PACRG: variants seen among roughly 807,000 people sequenced by gnomAD.
PACRG encodes the protein parkin coregulated gene protein.
A neutral mutation model predicts 29.7 loss-of-function variants in PACRG; 29 were observed. The observed-to-expected ratio is 0.98, with a 90% confidence interval of 0.73 to 1.33. PACRG has a LOEUF of 1.33. Among genes scored for constraint, PACRG ranks in the 40% most tolerant of loss-of-function variants. PACRG has a pLI of 0.00. For synonymous variants in PACRG, 116 were observed against 118.7 expected (o/e 0.98, Z 0.15); for missense variants, 279 against 316.2 (o/e 0.88, Z 0.89).
chr6:163,296,915 G>GA (rs1727570064), intron 4 of PACRG, among the ~76,000 whole-genome samples: 1 of 151,976 alleles, frequency 6.6e-6, no homozygotes, highest in South Asian at 2.1e-4. Flanking sequence ...AAAGGGACAT[G>GA]AAAAAAGTAA....
chr6:162,727,878 T>G, upstream of PACRG: 1 of 599,996 alleles, frequency 1.7e-6, no homozygotes, highest in South Asian at 2.0e-5. Flanking sequence ...TCACGCCTCC[T>G]GCCCCCAGCC....
At chr6:163,289,499 A>T (rs1784509783) in intron 4 of PACRG, among the ~76,000 whole-genome samples, 1 of 152,104 alleles carries the variant, frequency 6.6e-6, no homozygotes, top group African/African-American at 2.4e-5. Flanking sequence ...TTAATTTTTT[A>T]AAATACTTAA....
At chr6:163,018,783 T>C (rs1158916313) in intron 2 of PACRG, among the ~76,000 whole-genome samples, 1 of 117,254 alleles carries the variant, frequency 8.5e-6, no homozygotes, top group Non-Finnish European at 1.7e-5. Context: ...GTTTAATATG[T>C]CAGCACTATT....
chr6:162,762,333 T>C (rs754122165), intron 1 of PACRG, among the ~76,000 whole-genome samples: 1 of 152,168 alleles, frequency 6.6e-6, no homozygotes, highest in African/African-American at 2.4e-5. Flanking sequence ...CAAAGAGTTA[T>C]GTAAGGCATG....
chr6:163,194,104 G>C (rs540595257), intron 4 of PACRG, among the ~76,000 whole-genome samples: 22 of 152,002 alleles, frequency 1.4e-4, no homozygotes, highest in Non-Finnish European at 3.1e-4. Flanking sequence ...TGTTGGCCAG[G>C]CTGGTCTCAA....
At chr6:162,846,933 T>A (rs1469883951) in intron 2 of PACRG, among the ~76,000 whole-genome samples, 3 of 148,242 alleles carry the variant, frequency 2.0e-5, no homozygotes, top group Non-Finnish European at 1.5e-5. Flanking sequence ...CACATTGCTG[T>A]GCTCCCCACA....
intron 2 of PACRG, among the ~76,000 whole-genome samples, chr6:163,060,688 C>A (rs946994916): frequency 6.6e-6 from 1 of 152,086 alleles, no homozygotes; most frequent in Admixed American, 6.6e-5. Context: ...AGTCTGTGAG[C>A]AGACTGTAGA....
chr6:162,881,285 T>C (rs552296316), intron 2 of PACRG, among the ~76,000 whole-genome samples: 2 of 152,314 alleles, frequency 1.3e-5, no homozygotes, highest in East Asian at 3.9e-4. Context: ...TGCTCCTTAA[T>C]GAACCTGTTT....
rs60564519 is a variant in PACRG, at chr6:163,120,879, A to G, written c.613+31471A>G. On this transcript the variant is annotated intron_variant, in intron 4 of 4. Coordinates refer to ENST00000366888, the MANE Select transcript of PACRG (RefSeq NM_001080379.2). ...CATGCCTGGCCTCATTCCTTTTTCA[A>G]GGGAACAATGCCATACCTCACTAGA... 4.9e-3 allele frequency among the ~76,000 whole-genome samples: 752 copies of G among 152,274 alleles called. 4 individuals carry two copies. The highest frequency in any genetic ancestry group is 0.017 in the African/African-American group (722 of 41,554).
chr6:163,132,625 T>C (rs1816784440), intron 4 of PACRG, among the ~76,000 whole-genome samples: 2 of 152,180 alleles, frequency 1.3e-5, no homozygotes, highest in African/African-American at 4.8e-5. Context: ...AAGCATGTGA[T>C]CCACAGAGCC....
intron 4 of PACRG, among the ~76,000 whole-genome samples, chr6:163,199,699 T>G (rs1057135788): frequency 6.6e-6 from 1 of 152,174 alleles, no homozygotes; most frequent in Non-Finnish European, 1.5e-5. Flanking sequence ...GAAACTCCAC[T>G]GAGAAGGATG....
At chr6:162,934,766 C>T (rs1410209337) in intron 2 of PACRG, among the ~76,000 whole-genome samples, 3 of 152,068 alleles carry the variant, frequency 2.0e-5, no homozygotes, top group African/African-American at 7.2e-5. Context: ...ATATGAAACT[C>T]TGCCAATGAG....
At chr6:163,079,564 G>A (rs897837909) in intron 3 of PACRG, among the ~76,000 whole-genome samples, 1 of 152,126 alleles carries the variant, frequency 6.6e-6, no homozygotes, top group Non-Finnish European at 1.5e-5. Flanking sequence ...CATGAGGTTA[G>A]CTTGGCTGGC....
intron 2 of PACRG, among the ~76,000 whole-genome samples, chr6:162,867,506 C>G (rs1033545130): frequency 1.3e-5 from 2 of 152,090 alleles, no homozygotes; most frequent in African/African-American, 4.8e-5. Context: ...CTTGAAGCCG[C>G]TTCAGGTTCC....
chr6:162,969,454 G>A (rs184845567), intron 2 of PACRG, among the ~76,000 whole-genome samples: 22 of 151,412 alleles, frequency 1.5e-4, no homozygotes, highest in Admixed American at 8.6e-4. Flanking sequence ...CCCCCTTGTC[G>A]CTCCACTGTC....
chr6:163,003,492 TAGACAG>T, intron 2 of PACRG, among the ~76,000 whole-genome samples: 1 of 152,200 alleles, frequency 6.6e-6, no homozygotes. Flanking sequence ...TGGGAAAGTA[TAGACAG>T]CAGGAGATAA....
chr6:162,935,918 G>A (rs547547605), intron 2 of PACRG, among the ~76,000 whole-genome samples: 2 of 152,232 alleles, frequency 1.3e-5, no homozygotes, highest in East Asian at 1.9e-4. Flanking sequence ...CAACATTACT[G>A]TTCTTCAAAA....
chr6:162,970,564 C>T (rs1295918062), intron 2 of PACRG, among the ~76,000 whole-genome samples: 1 of 152,188 alleles, frequency 6.6e-6, no homozygotes, highest in Non-Finnish European at 1.5e-5. Flanking sequence ...CACCCTTCCT[C>T]ACCCAAGAAT....
chr6:163,250,573 T>C (rs2128172010), intron 4 of PACRG, among the ~76,000 whole-genome samples: 1 of 152,332 alleles, frequency 6.6e-6, no homozygotes, highest in Middle Eastern at 3.4e-3. Context: ...ACAGTGACAG[T>C]TTGACTTCCT....
Sources: allele counts gnomAD v4.1 joint callset (sites outside exome capture counted in the v4.1 genomes callset), GRCh38; gene constraint gnomAD v4.1.1; transcripts MANE v1.5; gene names NCBI Gene and HGNC (gene_info 2026-07-23, HGNC 2026-07-21).